Variants in EVI5L observed in about 807,000 individuals in gnomAD.
The protein encoded by EVI5L is ecotropic viral integration site 5 like, also known as EVI5-like protein.
In EVI5L, 30 loss-of-function variants were observed where a neutral mutation model predicts 106.1. The ratio of observed to expected loss-of-function variants is 0.28; its 90% CI spans 0.21 to 0.38. The LOEUF (loss-of-function observed/expected upper bound fraction) is 0.38. Among genes scored for constraint, EVI5L ranks in the 10% least tolerant of loss-of-function variants. EVI5L has a pLI of 1.00. For missense variants in EVI5L, 809 were observed against 1,098.0 expected, an observed-to-expected ratio of 0.74 and a Z score of 3.72; for synonymous variants, 489 against 483.3, an observed-to-expected ratio of 1.01 and a Z score of -0.15.
At position 7,849,309 on chromosome 19, in the gene EVI5L, C is replaced by G. The variant is rs763546633; in HGVS notation, c.606C>G (p.Ile202Met). The G allele has an allele frequency of 6.2e-7, 1 of 1,614,130 alleles. No individual in the cohort carries two copies. Among genetic ancestry groups the G allele is most frequent in the South Asian group, 1.1e-5 (1 of 91,086 alleles). The change falls in exon 5 of 20, where the codon ATC becomes ATG. Residue 202 changes from isoleucine (I) to methionine (M), a missense_variant. Transcript: ENST00000538904. ...EVGYCQGSAFIVGLLLMQMPE... is the reference protein window; with the variant it reads ...EVGYCQGSAFMVGLLLMQMPE... ...GCTACTGCCAGGGAAGCGCCTTCAT[C>G]GTGGGCCTGCTCCTCATGCAGGTAG...
chr19:7,848,359 G>T lies in EVI5L; in HGVS notation c.327+438G>T, dbSNP rs1022251929. 2.0e-5 allele frequency among the ~76,000 whole-genome samples: 3 copies of T among 152,188 alleles called. No individual in the cohort carries two copies. Among genetic ancestry groups the T allele is most frequent in the Non-Finnish European group, 2.9e-5 (2 of 68,038 alleles). ...CGCCTGTAATCCCAGTTCGTTGGAA[G>T]GTCGAGGCAGGCAGATCACCTAAGG... On this transcript the variant is annotated intron_variant, in intron 3 of 19. Transcript: ENST00000538904. This position sits in a 1 kb window ranked among gnomAD's most constrained non-coding sequence, Gnocchi z 4.8.
intron 15 of EVI5L, 31 bp downstream of exon 15, chr19:7,862,049 G>A (rs747202531): frequency 6.5e-7 from 1 of 1,537,816 alleles, no homozygotes; most frequent in Non-Finnish European, 8.8e-7. Context: ...GGCGGGCAGA[G>A]CGCCCCCTAG....
Position 7,846,529 on chromosome 19 carries a change from C to G in EVI5L, c.-14C>G, listed in dbSNP as rs748980325. 5 of 1,602,510 alleles carry G rather than the reference C, an allele frequency of 3.1e-6. No homozygotes were observed. Among genetic ancestry groups the G allele is most frequent in the Non-Finnish European group, 3.4e-6 (4 of 1,175,462 alleles). On this transcript the variant is annotated 5_prime_UTR_variant, in exon 2 of 20. Transcript: ENST00000538904. ...GTGAACCAACCCCGCTCACGGCTAA[C>G]AAGCCCACCCACCATGGCGAGCCCC... is the stretch of plus-strand genomic sequence containing the variant.
chr19:7,839,127 C>G (rs1978480356), intron 1 of EVI5L, among the ~76,000 whole-genome samples: 1 of 151,950 alleles, frequency 6.6e-6, no homozygotes, highest in Admixed American at 6.6e-5. Flanking sequence ...ACAGTGAAAC[C>G]CCATCTCTAC....
chr19:7,849,963 G>T, intron 5 of EVI5L, 34 bp from the exon 6 acceptor site: 3 of 1,558,106 alleles, frequency 1.9e-6, no homozygotes, highest in Non-Finnish European at 2.6e-6. Flanking sequence ...CCGCTGCGCT[G>T]CCCTGAGCCC....
At chr19:7,859,073 C>A in intron 13 of EVI5L, 1 of 152,022 alleles carries the variant, frequency 6.6e-6, no homozygotes, top group East Asian at 1.9e-4. Context: ...CACCTGTAGT[C>A]CCAGCTACTC....
At position 7,848,068 on chromosome 19, in the gene EVI5L, C is replaced by T. The variant is rs902438611; in HGVS notation, c.327+147C>T. On this transcript the variant is annotated intron_variant, in intron 3 of 19. Coordinates refer to ENST00000538904, the MANE Select transcript of EVI5L (RefSeq NM_001159944.3). The surrounding 1 kb of genome is among the most constrained non-coding windows in gnomAD (Gnocchi z 4.8). ...GATGTGCAGGCACTTTCAGGGTGTCCTGCCAGAGCACAGGGACAGGAGAGA... is the reference window on the plus strand; with the variant it reads ...GATGTGCAGGCACTTTCAGGGTGTCTTGCCAGAGCACAGGGACAGGAGAGA... 1.1e-6 allele frequency: 1 copy of T among 881,196 alleles called. No homozygotes were observed. The highest frequency in any genetic ancestry group is 1.7e-6 in the Non-Finnish European group (1 of 593,270). 54.6% of individuals were successfully genotyped at this position (881,196 alleles called of 1,614,324 possible).
chr19:7,862,268 T>G lies in EVI5L; in HGVS notation c.1791T>G (p.Leu597=). The change falls in exon 16 of 20, where the codon CTT becomes CTG. Residue 597 remains leucine, a synonymous_variant. Transcript: ENST00000538904. ...AGCTGCGGCAGCGCGTGGTGGAACTTGAGACGCAGGTGGACTCGGGGGGCC... is the reference window on the plus strand; with the variant it reads ...AGCTGCGGCAGCGCGTGGTGGAACTGGAGACGCAGGTGGACTCGGGGGGCC... The part of the protein sequence containing the change: ...GRELRQRVVE[L]ETQDHIHRNL... 6.3e-7 allele frequency: 1 copy of G among 1,580,976 alleles called. No individual in the cohort carries two copies. The highest frequency in any genetic ancestry group is 8.6e-7 in the Non-Finnish European group (1 of 1,163,760).
At chr19:7,852,204 C>T (rs1979284277) in intron 8 of EVI5L, among the ~76,000 whole-genome samples, 1 of 152,238 alleles carries the variant, frequency 6.6e-6, no homozygotes, top group Non-Finnish European at 1.5e-5. Flanking sequence ...CCCGGCCTGC[C>T]TGGAGGCCCT....
At chr19:7,849,374 C>T (rs916268939) in intron 5 of EVI5L, 44 bp downstream of exon 5, 15 of 1,605,682 alleles carry the variant, frequency 9.3e-6, no homozygotes, top group Non-Finnish European at 1.3e-5. Flanking sequence ...GACAACAGCC[C>T]ACCCTGGGCT....
intron 1 of EVI5L, among the ~76,000 whole-genome samples, chr19:7,832,979 G>A (rs967292120): frequency 2.0e-5 from 3 of 152,114 alleles, no homozygotes; most frequent in African/African-American, 4.8e-5. Flanking sequence ...TATCTCTCAC[G>A]CACAGGAAAC....
intron 6 of EVI5L, among the ~76,000 whole-genome samples, chr19:7,851,011 C>T (rs988661714): frequency 4.3e-5 from 6 of 141,066 alleles, no homozygotes; most frequent in Non-Finnish European, 7.7e-5. Context: ...TGGCAGGTCA[C>T]GTAACAAGGT....
At chr19:7,854,438 C>T (rs538416924) in intron 10 of EVI5L, among the ~76,000 whole-genome samples, 2 of 152,096 alleles carry the variant, frequency 1.3e-5, no homozygotes, top group Admixed American at 6.5e-5. Flanking sequence ...GGGGCAGAGC[C>T]GCACAGTGGC....
chr19:7,861,625 C>T (rs1246157324), intron 14 of EVI5L, among the ~76,000 whole-genome samples: 3 of 152,122 alleles, frequency 2.0e-5, no homozygotes, highest in Non-Finnish European at 4.4e-5. Flanking sequence ...TGCAGCGCGG[C>T]GTTTATGGGG....
chr19:7,860,540 G>T (rs373373373), intron 13 of EVI5L, 21 bp from the exon 14 acceptor site: 1 of 1,561,324 alleles, frequency 6.4e-7, no homozygotes, highest in African/African-American at 1.4e-5. Context: ...GGGGCCCCAC[G>T]CAGCTCTCTG....
intron 4 of EVI5L, 35 bp downstream of exon 4, chr19:7,849,180 A>G (rs768050924): frequency 1.2e-6 from 2 of 1,612,518 alleles, no homozygotes; most frequent in South Asian, 1.1e-5. Context: ...CTCGGTCCCA[A>G]AGGAAGGAGA....
Position 7,858,238 on chromosome 19 carries a change from G to A in EVI5L, c.1281G>A (p.Lys427=). The part of the protein sequence containing the change: ...AQEAEENYVI[K]RELAVVRQQC... ...AGGCGGAGGAGAACTACGTCATCAA[G>A]CGGGAGCTGGCGGTGGTGCGGCAGC... The change falls in exon 13 of 20, where the codon AAG becomes AAA. Residue 427 remains lysine, a synonymous_variant. Transcript: ENST00000538904. This position sits in a 1 kb window ranked among gnomAD's most constrained non-coding sequence, Gnocchi z 5.7. The A allele has an allele frequency of 6.4e-7, 1 of 1,565,178 alleles. No individual in the cohort carries two copies. Among genetic ancestry groups the A allele is most frequent in the Non-Finnish European group, 8.7e-7 (1 of 1,154,986 alleles).
intron 1 of EVI5L, among the ~76,000 whole-genome samples, 196 bp downstream of exon 1, chr19:7,830,577 C>T (rs1297292706): frequency 6.6e-6 from 1 of 151,118 alleles, no homozygotes; most frequent in African/African-American, 2.4e-5. Context: ...CCCTCCGGAC[C>T]CCTCCCCAGG....
rs976112520 is a variant in EVI5L, at chr19:7,851,330, G to A, written c.754-104G>A. 1.9e-5 allele frequency: 26 copies of A among 1,394,950 alleles called. No individual in the cohort carries two copies. The South Asian group carries it at 1.9e-4, about 10-fold the overall frequency. The allele number at this position is 1,394,950 out of a possible 1,614,324, so 86.4% of individuals were successfully genotyped here. A position where few individuals can be genotyped will look rare whatever the true frequency, so the allele number is the denominator to read the frequency against. ...GGAAGGGAGCCTCAGGCTGCCCAGCGCAGGTCCAGGAAGGCTCCCTGGAGG... is the reference window on the plus strand; with the variant it reads ...GGAAGGGAGCCTCAGGCTGCCCAGCACAGGTCCAGGAAGGCTCCCTGGAGG... On this transcript the variant is annotated intron_variant, in intron 6 of 19. Coordinates refer to ENST00000538904, the MANE Select transcript of EVI5L (RefSeq NM_001159944.3).
Sources: gnomAD v4.1 joint callset for allele counts (sites outside exome capture counted in the v4.1 genomes callset) on GRCh38, gnomAD v4.1.1 for gene constraint, Gnocchi (gnomAD v3.1) non-coding constraint, MANE v1.5 for transcripts, NCBI Gene and HGNC (gene_info 2026-07-23, HGNC 2026-07-21) for gene names.